Variants in PPP3CC observed in about 807,000 individuals in gnomAD.
PPP3CC encodes the protein protein phosphatase 3 catalytic subunit gamma, also known as serine/threonine-protein phosphatase 2B catalytic subunit gamma isoform.
A neutral mutation model predicts 60.3 loss-of-function variants in PPP3CC; 35 were observed. That is an observed-to-expected ratio of 0.58 (90% CI 0.44 to 0.77). PPP3CC has a LOEUF of 0.77. Among genes scored for constraint, PPP3CC ranks in the 30% least tolerant of loss-of-function variants. PPP3CC has a pLI of 0.00. For missense variants in PPP3CC, 570 were observed against 628.9 expected (o/e 0.91, Z 1.00); for synonymous variants, 206 against 224.3 (o/e 0.92, Z 0.73).
intron 1 of PPP3CC, among the ~76,000 whole-genome samples, chr8:22,454,895 A>G (rs1187442312): frequency 6.6e-6 from 1 of 151,710 alleles, no homozygotes; most frequent in Non-Finnish European, 1.5e-5. Context: ...TCTCTACTAA[A>G]AATACAAAAA....
intron 8 of PPP3CC, among the ~76,000 whole-genome samples, chr8:22,527,154 C>G (rs1839580380): frequency 6.6e-6 from 1 of 152,152 alleles, no homozygotes; most frequent in South Asian, 2.1e-4. Flanking sequence ...GTTTCAGTTT[C>G]TTTTGTACTT....
chr8:22,447,837 T>C (rs1586779724), intron 1 of PPP3CC, among the ~76,000 whole-genome samples: 2 of 152,328 alleles, frequency 1.3e-5, no homozygotes, highest in East Asian at 3.9e-4. Flanking sequence ...TCTTCGTTTG[T>C]TGTTTGAAGA....
At chr8:22,445,630 A>T (rs186742451) in intron 1 of PPP3CC, among the ~76,000 whole-genome samples, 1 of 152,204 alleles carries the variant, frequency 6.6e-6, no homozygotes, top group Non-Finnish European at 1.5e-5. Context: ...AATGGTTTCA[A>T]TCAGCATGGA....
chr8:22,478,054 C>T (rs1007436402), intron 3 of PPP3CC, among the ~76,000 whole-genome samples: 2 of 152,106 alleles, frequency 1.3e-5, no homozygotes, highest in South Asian at 2.1e-4. Flanking sequence ...GTTTCACCAT[C>T]TTGGCCAGGC....
chr8:22,518,061 C>T (rs1187973524), intron 6 of PPP3CC, among the ~76,000 whole-genome samples: 3 of 149,906 alleles, frequency 2.0e-5, no homozygotes, highest in African/African-American at 7.3e-5. Context: ...TTTCATTTAT[C>T]TTGAGGTTTT....
intron 1 of PPP3CC, among the ~76,000 whole-genome samples, chr8:22,444,959 G>A (rs1836779816): frequency 6.6e-6 from 1 of 152,098 alleles, no homozygotes; most frequent in African/African-American, 2.4e-5. Flanking sequence ...AATCTTTTCA[G>A]AAGCAACAAG....
chr8:22,525,491 C>CTTCTTTCTTTCTTTCTTTCTTTCTTTCT (rs199717558), intron 8 of PPP3CC, among the ~76,000 whole-genome samples: 18 of 128,544 alleles, frequency 1.4e-4, no homozygotes, highest in African/African-American at 2.4e-4. Flanking sequence ...GCTTCCTTTT[C>CTTCTTTCTTTCTTTCTTTCTTTCTTTCT]TTCTTTCTTT....
intron 10 of PPP3CC, chr8:22,531,177 A>G: frequency 1.1e-6 from 1 of 875,854 alleles, no homozygotes. Flanking sequence ...TGGTAAAGAT[A>G]ATAGCCTGTT....
At chr8:22,457,397 G>C (rs1260467631) in intron 1 of PPP3CC, among the ~76,000 whole-genome samples, 2 of 151,366 alleles carry the variant, frequency 1.3e-5, no homozygotes, top group African/African-American at 2.4e-5. Context: ...CCGCCTCCTA[G>C]GTTCAAGTGA....
At chr8:22,476,698 C>T (rs1035037524) in intron 3 of PPP3CC, among the ~76,000 whole-genome samples, 5 of 151,878 alleles carry the variant, frequency 3.3e-5, no homozygotes, top group African/African-American at 7.3e-5. Flanking sequence ...TTTGGGAGGC[C>T]GAGGCAGGCA....
At chr8:22,450,853 T>G (rs1450785697) in intron 1 of PPP3CC, among the ~76,000 whole-genome samples, 3 of 140,610 alleles carry the variant, frequency 2.1e-5, no homozygotes, top group Admixed American at 7.3e-5. Context: ...ATTTATTTAT[T>G]GAGACGGAGT....
intron 1 of PPP3CC, among the ~76,000 whole-genome samples, chr8:22,460,031 A>G (rs1007900624): frequency 6.6e-6 from 1 of 152,202 alleles, no homozygotes; most frequent in African/African-American, 2.4e-5. Flanking sequence ...AAGATTGTCT[A>G]TATAGTATAA....
At chr8:22,488,168 G>A (rs888178452) in intron 3 of PPP3CC, among the ~76,000 whole-genome samples, 1 of 152,098 alleles carries the variant, frequency 6.6e-6, no homozygotes, top group South Asian at 2.1e-4. Flanking sequence ...GTTGGGAAAG[G>A]TAGGTATAGA....
At position 22,502,895 on chromosome 8, in the gene PPP3CC, G is replaced by GT. The variant is rs1369190162; in HGVS notation, c.484+4790dup. On this transcript the variant is annotated intron_variant, in intron 4 of 13. Transcript: ENST00000240139. ...TTTGTTTTGTTTTTGTTTTGTTTTT[G>GT]TTTTTTTAGATGCAGTGTTGACATG... Among the ~76,000 whole-genome samples the GT allele has an allele frequency of 5.9e-5, 9 of 152,026 alleles. No homozygotes were observed. In the East Asian group the frequency reaches 1.2e-3, roughly 20 times the overall value.
intron 1 of PPP3CC, among the ~76,000 whole-genome samples, chr8:22,474,255 A>G (rs879786011): frequency 2.6e-5 from 4 of 152,192 alleles, no homozygotes; most frequent in Non-Finnish European, 5.9e-5. Context: ...ATGCCATTTT[A>G]GTATTATGAC....
intron 1 of PPP3CC, among the ~76,000 whole-genome samples, chr8:22,462,320 T>G (rs1837385258): frequency 2.0e-5 from 3 of 152,176 alleles, no homozygotes; most frequent in Admixed American, 2.0e-4. Flanking sequence ...TGGTTCAGTT[T>G]ATCTGTTTTG....
intron 5 of PPP3CC, among the ~76,000 whole-genome samples, chr8:22,512,896 G>C (rs562001087): frequency 6.6e-6 from 1 of 152,206 alleles, no homozygotes; most frequent in Non-Finnish European, 1.5e-5. Flanking sequence ...GACCAACATG[G>C]AGAAACCCCA....
chr8:22,475,712 G>C, intron 3 of PPP3CC, 88 bp downstream of exon 3: 1 of 1,264,284 alleles, frequency 7.9e-7, no homozygotes. Flanking sequence ...ATTAAAATGA[G>C]AACTCTGGCA....
chr8:22,453,323 A>G (rs995223625), intron 1 of PPP3CC, among the ~76,000 whole-genome samples: 2 of 152,232 alleles, frequency 1.3e-5, no homozygotes, highest in African/African-American at 4.8e-5. Context: ...ATTTAAGAGT[A>G]CTGTATTTTA....
Sources: gnomAD v4.1 joint callset for allele counts (sites outside exome capture counted in the v4.1 genomes callset) on GRCh38, gnomAD v4.1.1 for gene constraint, MANE v1.5 for transcripts, NCBI Gene and HGNC (gene_info 2026-07-23, HGNC 2026-07-21) for gene names.